YTHDC1: variants seen among roughly 807,000 people sequenced by gnomAD.
The protein encoded by YTHDC1 is YTH N6-methyladenosine RNA binding protein C1.
A neutral mutation model predicts 107.0 loss-of-function variants in YTHDC1; 12 were observed. The observed-to-expected ratio is 0.11, with a 90% confidence interval of 0.07 to 0.18. The LOEUF (loss-of-function observed/expected upper bound fraction) is 0.18, where lower values mean the gene tolerates loss of function less well. YTHDC1 is among the 10% of genes least tolerant of loss of function. YTHDC1 has a pLI of 1.00. For missense variants in YTHDC1, 635 were observed against 898.8 expected (o/e 0.71, Z 3.75); for synonymous variants, 280 against 289.5 (o/e 0.97, Z 0.33).
intron 1 of YTHDC1, 79 bp downstream of exon 1, chr4:68,349,647 C>A (rs1725865537): frequency 1.5e-5 from 7 of 453,922 alleles, no homozygotes; most frequent in Non-Finnish European, 2.7e-5. Flanking sequence ...ACCCCCCACC[C>A]CCAACGACGA....
At chr4:68,327,634 TA>T (rs1433881840) in intron 9 of YTHDC1, among the ~76,000 whole-genome samples, 4 of 152,186 alleles carry the variant, frequency 2.6e-5, no homozygotes, top group Non-Finnish European at 5.9e-5. Flanking sequence ...TCCTTAAATA[TA>T]AATCTAATAA....
At chr4:68,320,074 T>TTTTCCAA (rs771017996) in intron 12 of YTHDC1, 49 bp downstream of exon 12, 8 of 1,503,302 alleles carry the variant, frequency 5.3e-6, no homozygotes, top group Non-Finnish European at 7.2e-6. Context: ...TTTTTAATTT[T>TTTTCCAA]TTTCCAATAA....
intron 12 of YTHDC1, among the ~76,000 whole-genome samples, chr4:68,319,502 G>A (rs2109684567): frequency 6.6e-6 from 1 of 152,230 alleles, no homozygotes; most frequent in Non-Finnish European, 1.5e-5. Context: ...GGAAGAATGA[G>A]GCTAATCAAG....
Position 68,318,857 on chromosome 4 carries a change from A to T in YTHDC1, c.1690T>A (p.Leu564Ile). 6.2e-7 allele frequency: 1 copy of T among 1,614,124 alleles called. No individual in the cohort carries two copies. Among genetic ancestry groups the T allele is most frequent in the Non-Finnish European group, 8.5e-7 (1 of 1,179,998 alleles). Reference protein sequence around the residue: ...PPEFHQRPGYLKDPRYQEVDR... With the variant: ...PPEFHQRPGYIKDPRYQEVDR... The stretch of plus-strand genomic sequence containing the variant: ...ACTTCCTGGTATCGTGGATCCTTTA[A>T]ATACCCTGTTCAAACATCAAGCATT... The change falls in exon 13 of 17, where the codon TTA becomes ATA. Residue 564 changes from leucine (L) to isoleucine (I), a missense_variant. Coordinates refer to ENST00000344157, the MANE Select transcript of YTHDC1 (RefSeq NM_001031732.4).
chr4:68,327,193 G>T (rs1255288639), intron 9 of YTHDC1, among the ~76,000 whole-genome samples: 1 of 152,056 alleles, frequency 6.6e-6, no homozygotes, highest in African/African-American at 2.4e-5. Flanking sequence ...CCGAGATTGC[G>T]CCATTGCACT....
At chr4:68,316,614 A>T (rs140609197) in intron 15 of YTHDC1, among the ~76,000 whole-genome samples, 166 bp from the exon 16 acceptor site, 1 of 152,336 alleles carries the variant, frequency 6.6e-6, no homozygotes, top group Admixed American at 6.5e-5. Context: ...GTCGAAAATT[A>T]CACATCTTCT....
intron 1 of YTHDC1, among the ~76,000 whole-genome samples, chr4:68,346,033 G>A (rs892388494): frequency 6.6e-6 from 1 of 151,058 alleles, no homozygotes; most frequent in Non-Finnish European, 1.5e-5. Context: ...CTGTGTTTGT[G>A]TGCACGTGAC....
intron 9 of YTHDC1, among the ~76,000 whole-genome samples, chr4:68,325,355 A>G (rs190014453): frequency 3.2e-4 from 48 of 152,302 alleles, no homozygotes; most frequent in Non-Finnish European, 1.2e-4. Context: ...AAGAAGTGGT[A>G]CAAGAGTTAA....
chr4:68,325,255 G>A (rs2109698475), intron 9 of YTHDC1, among the ~76,000 whole-genome samples: 1 of 152,170 alleles, frequency 6.6e-6, no homozygotes, highest in African/African-American at 2.4e-5. Flanking sequence ...GGTACTATAT[G>A]CACAATACAG....
At chr4:68,348,532 A>G (rs149600226) in intron 1 of YTHDC1, among the ~76,000 whole-genome samples, 1 of 151,838 alleles carries the variant, frequency 6.6e-6, no homozygotes, top group African/African-American at 2.4e-5. Flanking sequence ...TAAGGATGGA[A>G]CATTAAACTG....
intron 4 of YTHDC1, among the ~76,000 whole-genome samples, chr4:68,335,880 C>T (rs79915042): frequency 0.032 from 4,772 of 151,404 alleles, 110 homozygotes; most frequent in Non-Finnish European, 0.049. Context: ...AACTCCCAAA[C>T]CTAGAATTCT....
rs1251085298 is a variant in YTHDC1, at chr4:68,313,395, C to T, written c.*704G>A. ...ATATGGGAATCGTCTTCCGCTGCCA[C>T]GCACGCAAGTTGTGAACATTCCAAG... On this transcript the variant is annotated 3_prime_UTR_variant, in exon 17 of 17. Transcript: ENST00000344157. The T allele has an allele frequency of 6.6e-6, 1 of 152,586 alleles. No homozygotes were observed. 9.5% of individuals were successfully genotyped at this position (152,586 alleles called of 1,614,324 possible).
Position 68,312,581 on chromosome 4 carries a change from G to A in YTHDC1, c.*1518C>T, listed in dbSNP as rs1721389921. On this transcript the variant is annotated 3_prime_UTR_variant, in exon 17 of 17. Coordinates refer to ENST00000344157, the MANE Select transcript of YTHDC1 (RefSeq NM_001031732.4). ...ATCCTCAGGCTTTAGTTTTGTCATT[G>A]TAAATAAAACTTCTGTGAATGCAGG... 1 of 152,160 alleles carries A rather than the reference G, an allele frequency of 6.6e-6. No individual in the cohort carries two copies. The highest frequency in any genetic ancestry group is 2.1e-4 in the South Asian group (1 of 4,830). 9.4% of individuals were successfully genotyped at this position (152,160 alleles called of 1,614,324 possible).
intron 15 of YTHDC1, 25 bp from the exon 16 acceptor site, chr4:68,316,473 T>G (rs1350756507): frequency 1.2e-6 from 2 of 1,607,062 alleles, no homozygotes; most frequent in Non-Finnish European, 1.7e-6. Flanking sequence ...CCATTTACAT[T>G]AAGAATCTAC....
chr4:68,349,774 C>G lies in YTHDC1; in HGVS notation c.-21G>C. ...GCCATGGCTCCCCTTCGGTTTCCGC[C>G]GCTGCCACCGCCGCCGCCGCTTAGA... is the stretch of plus-strand genomic sequence containing the variant. On this transcript the variant is annotated 5_prime_UTR_variant, in exon 1 of 17. Coordinates refer to ENST00000344157, the MANE Select transcript of YTHDC1 (RefSeq NM_001031732.4). 1.2e-6 allele frequency: 2 copies of G among 1,612,034 alleles called. No homozygotes were observed. Among genetic ancestry groups the G allele is most frequent in the Non-Finnish European group, 1.7e-6 (2 of 1,179,566 alleles).
In YTHDC1 at chr4:68,349,926, C is replaced by T; in HGVS notation, c.-173G>A. ...CTTCTCGACTCTTCCCGCTTTTTCC[C>T]TTTCTCCCTTCCTTTCACTCCAGCA... On this transcript the variant is annotated 5_prime_UTR_variant, in exon 1 of 17. Transcript: ENST00000344157. The T allele has an allele frequency of 1.2e-6, 1 of 861,854 alleles. No homozygotes were observed. The highest frequency in any genetic ancestry group is 1.6e-5 in the South Asian group (1 of 62,388). 53.4% of individuals were successfully genotyped at this position (861,854 alleles called of 1,614,324 possible).
chr4:68,320,817 A>C (rs1411656145), intron 11 of YTHDC1, among the ~76,000 whole-genome samples: 1 of 152,132 alleles, frequency 6.6e-6, no homozygotes, highest in Non-Finnish European at 1.5e-5. Flanking sequence ...ACTATTTCTT[A>C]ATAATCCTTA....
intron 1 of YTHDC1, among the ~76,000 whole-genome samples, chr4:68,346,731 T>C (rs1031213203): frequency 5.3e-5 from 8 of 152,210 alleles, no homozygotes; most frequent in Non-Finnish European, 7.3e-5. Context: ...TACTTAATAA[T>C]AGCCCCAAAG....
intron 15 of YTHDC1, among the ~76,000 whole-genome samples, chr4:68,317,788 CCAT>C (rs1282598073): frequency 5.3e-5 from 8 of 152,098 alleles, no homozygotes; most frequent in Non-Finnish European, 1.0e-4. Context: ...ATTTCATTCA[CCAT>C]GATATAATCA....
Sources: allele counts gnomAD v4.1 joint callset (sites outside exome capture counted in the v4.1 genomes callset), GRCh38; gene constraint gnomAD v4.1.1; transcripts MANE v1.5; gene names NCBI Gene and HGNC (gene_info 2026-07-23, HGNC 2026-07-21).